Variants in HIKESHI observed in about 807,000 individuals in gnomAD.
HIKESHI encodes protein Hikeshi.
In HIKESHI, 13 loss-of-function variants were observed where a neutral mutation model predicts 25.7. The ratio of observed to expected loss-of-function variants is 0.51; its 90% CI spans 0.33 to 0.80. HIKESHI has a LOEUF of 0.80. HIKESHI is among the 30% of genes least tolerant of loss of function. The probability of loss-of-function intolerance (pLI) is 0.02; values close to 1 mark genes in which losing one functional copy is unlikely to be tolerated. For synonymous variants in HIKESHI, 76 were observed against 78.7 expected (o/e 0.97, Z 0.18); for missense variants, 174 against 229.5 (o/e 0.76, Z 1.56).
At chr11:86,311,687 G>A (rs1946839157) in intron 2 of HIKESHI, among the ~76,000 whole-genome samples, 1 of 152,030 alleles carries the variant, frequency 6.6e-6, no homozygotes, top group South Asian at 2.1e-4. Context: ...GCTTTCTCTT[G>A]TGGGCATTTA....
intron 1 of HIKESHI, among the ~76,000 whole-genome samples, chr11:86,305,736 A>C (rs1271574175): frequency 6.6e-6 from 1 of 151,250 alleles, no homozygotes; most frequent in Non-Finnish European, 1.5e-5. Context: ...ATTTATTTTT[A>C]TTTTTATTTT....
intron 2 of HIKESHI, among the ~76,000 whole-genome samples, chr11:86,309,419 T>C (rs1307619680): frequency 1.3e-5 from 2 of 152,184 alleles, no homozygotes; most frequent in Non-Finnish European, 2.9e-5. Flanking sequence ...TGGGGCTGTT[T>C]GATTTTTTTC....
intron 1 of HIKESHI, chr11:86,303,276 T>TA (rs1447453248): frequency 2.8e-6 from 1 of 359,950 alleles, no homozygotes; most frequent in Non-Finnish European, 3.9e-6. Flanking sequence ...CCTGGCTTTT[T>TA]AAAATGTTGC....
At chr11:86,325,270 CA>C (rs1453794329) in intron 2 of HIKESHI, among the ~76,000 whole-genome samples, 1 of 152,048 alleles carries the variant, frequency 6.6e-6, no homozygotes, top group East Asian at 1.9e-4. Flanking sequence ...TAACTTCACA[CA>C]GAACAGTTTT....
At chr11:86,328,016 G>A (rs963256412) in intron 2 of HIKESHI, among the ~76,000 whole-genome samples, 2 of 152,110 alleles carry the variant, frequency 1.3e-5, no homozygotes, top group Admixed American at 6.5e-5. Context: ...CGTACTACAT[G>A]AAAAACTAAT....
intron 2 of HIKESHI, among the ~76,000 whole-genome samples, chr11:86,324,678 A>C (rs1947231105): frequency 2.0e-5 from 3 of 152,188 alleles, no homozygotes; most frequent in African/African-American, 4.8e-5. Flanking sequence ...TATATTTTTC[A>C]GCCTTTCAGG....
intron 2 of HIKESHI, among the ~76,000 whole-genome samples, chr11:86,331,363 C>T (rs952703269): frequency 6.6e-6 from 1 of 152,150 alleles, no homozygotes. Context: ...GTGGCACACA[C>T]CTGTAATTTC....
chr11:86,332,335 T>C (rs1289717085), intron 2 of HIKESHI, among the ~76,000 whole-genome samples: 1 of 152,178 alleles, frequency 6.6e-6, no homozygotes, highest in African/African-American at 2.4e-5. Flanking sequence ...CAGTGGACTT[T>C]TAATTTTTAA....
chr11:86,335,533 C>T (rs1013377569), intron 2 of HIKESHI, among the ~76,000 whole-genome samples: 2 of 152,128 alleles, frequency 1.3e-5, no homozygotes, highest in Non-Finnish European at 2.9e-5. Context: ...TAAGTCTCCG[C>T]ACAAGCAGGA....
intron 2 of HIKESHI, among the ~76,000 whole-genome samples, chr11:86,321,598 C>G (rs943137154): frequency 6.6e-6 from 1 of 151,874 alleles, no homozygotes; most frequent in African/African-American, 2.4e-5. Context: ...GGCATGATCT[C>G]GACTCACTGC....
At chr11:86,336,305 TTGCTC>T (rs1349221912) in intron 2 of HIKESHI, among the ~76,000 whole-genome samples, 1 of 152,150 alleles carries the variant, frequency 6.6e-6, no homozygotes, top group Non-Finnish European at 1.5e-5. Flanking sequence ...GAAAGAATAT[TTGCTC>T]TGGTCTGAAT....
intron 2 of HIKESHI, among the ~76,000 whole-genome samples, chr11:86,311,517 G>A (rs1946833948): frequency 6.6e-6 from 1 of 152,084 alleles, no homozygotes; most frequent in African/African-American, 2.4e-5. Context: ...CCAGCTCCTG[G>A]ATTCATTGAT....
chr11:86,341,153 A>G (rs917618747), intron 3 of HIKESHI, among the ~76,000 whole-genome samples: 11 of 152,248 alleles, frequency 7.2e-5, no homozygotes, highest in Non-Finnish European at 1.0e-4. Context: ...TGCTAATATA[A>G]GACATGATGA....
chr11:86,331,750 A>G (rs994009065), intron 2 of HIKESHI, among the ~76,000 whole-genome samples: 1 of 152,162 alleles, frequency 6.6e-6, no homozygotes, highest in Admixed American at 6.5e-5. Flanking sequence ...AGAGTCACAT[A>G]GCTCTTAGAA....
intron 1 of HIKESHI, among the ~76,000 whole-genome samples, chr11:86,304,798 G>T (rs969494063): frequency 1.3e-5 from 2 of 152,178 alleles, no homozygotes; most frequent in African/African-American, 4.8e-5. Flanking sequence ...TTACAGGCAT[G>T]AGCCACTGTG....
intron 2 of HIKESHI, among the ~76,000 whole-genome samples, chr11:86,318,702 G>A (rs1186468415): frequency 6.6e-6 from 1 of 152,012 alleles, no homozygotes; most frequent in East Asian, 1.9e-4. Context: ...AGATTTAAGT[G>A]GAATATTGAA....
At chr11:86,322,046 G>C (rs545075234) in intron 2 of HIKESHI, among the ~76,000 whole-genome samples, 1 of 152,234 alleles carries the variant, frequency 6.6e-6, no homozygotes, top group Admixed American at 6.5e-5. Context: ...GGAGTGCAGT[G>C]GTGCCATCCC....
chr11:86,340,739 G>C (rs1947702815), intron 3 of HIKESHI, among the ~76,000 whole-genome samples: 1 of 152,132 alleles, frequency 6.6e-6, no homozygotes, highest in South Asian at 2.1e-4. Flanking sequence ...CTGCCTCTCA[G>C]GTTCAAGCAA....
At chr11:86,342,478 C>CGTGT (rs34980731) in intron 3 of HIKESHI, among the ~76,000 whole-genome samples, 2,716 of 147,366 alleles carry the variant, frequency 0.018, 37 homozygotes, top group Middle Eastern at 0.038. Context: ...TAAAGATGTT[C>CGTGT]GTGTGTGTGT....
Sources: allele counts gnomAD v4.1 joint callset (sites outside exome capture counted in the v4.1 genomes callset), GRCh38; gene constraint gnomAD v4.1.1; transcripts MANE v1.5; gene names NCBI Gene and HGNC (gene_info 2026-07-23, HGNC 2026-07-21).